NTM: variants seen among roughly 807,000 people sequenced by gnomAD.
NTM encodes IgLON family member 2.
In NTM, 13 loss-of-function variants were observed where a neutral mutation model predicts 42.1. The observed-to-expected ratio is 0.31, with a 90% CI of 0.20 to 0.49. The LOEUF is 0.49. NTM is among the 20% of genes least tolerant of loss of function. The probability of loss-of-function intolerance (pLI) is 0.99; values close to 1 mark genes in which losing one functional copy is unlikely to be tolerated. For synonymous variants in NTM, 187 were observed against 179.2 expected (o/e 1.04, Z -0.35); for missense variants, 373 against 452.8 (o/e 0.82, Z 1.60).
chr11:131,507,378 G>A (rs956728223), intron 1 of NTM, among the ~76,000 whole-genome samples: 12 of 150,594 alleles, frequency 8.0e-5, no homozygotes, highest in South Asian at 2.1e-4. Flanking sequence ...GATATGCGGC[G>A]TTATTTCTGA....
rs200834611 is a variant in NTM at position 131,836,917 on chromosome 11, C to CA, written c.83-74644dup. On this transcript the variant is annotated intron_variant, in intron 1 of 8. Coordinates refer to ENST00000683400, the MANE Select transcript of NTM (RefSeq NM_001352005.2). ...TGATTTTGCTCCTGGTGATGTGTAA[C>CA]AAATCCATTGTGTGATTAGTAATAA... is the stretch of plus-strand genomic sequence containing the variant. 6.7e-3 allele frequency among the ~76,000 whole-genome samples: 1,024 copies of CA among 152,194 alleles called. 16 individuals are homozygous for CA. Among genetic ancestry groups the CA allele is most frequent in the African/African-American group, 0.023 (959 of 41,484 alleles).
At chr11:131,772,075 T>G (rs1173990187) in intron 1 of NTM, among the ~76,000 whole-genome samples, 1 of 152,206 alleles carries the variant, frequency 6.6e-6, no homozygotes, top group Non-Finnish European at 1.5e-5. Flanking sequence ...AGTTATTGAA[T>G]TTCTACTATA....
At chr11:132,215,200 C>T (rs1009089729) in intron 4 of NTM, among the ~76,000 whole-genome samples, 3 of 152,018 alleles carry the variant, frequency 2.0e-5, no homozygotes, top group Non-Finnish European at 4.4e-5. Flanking sequence ...TGTCATTCTT[C>T]GAGGGTAGAT....
At chr11:131,683,957 G>T (rs559082865) in intron 1 of NTM, among the ~76,000 whole-genome samples, 4 of 152,158 alleles carry the variant, frequency 2.6e-5, no homozygotes, top group African/African-American at 7.2e-5. Flanking sequence ...AAGGGCAGGC[G>T]GTGGCAAGAG....
intron 3 of NTM, 173 bp from the exon 4 acceptor site, chr11:132,211,849 C>A: frequency 2.0e-6 from 1 of 495,854 alleles, no homozygotes; most frequent in Non-Finnish European, 3.3e-6. Flanking sequence ...GAAATCAAAG[C>A]TAAATTAAAG....
At chr11:132,304,085 A>G (rs2094977822) in intron 4 of NTM, among the ~76,000 whole-genome samples, 1 of 152,212 alleles carries the variant, frequency 6.6e-6, no homozygotes, top group East Asian at 1.9e-4. Flanking sequence ...GCACTTGTGC[A>G]AAATAAACTT....
chr11:131,793,801 A>G (rs749747802), intron 1 of NTM, among the ~76,000 whole-genome samples: 1 of 152,132 alleles, frequency 6.6e-6, no homozygotes, highest in Non-Finnish European at 1.5e-5. Flanking sequence ...AGGCCTGTGC[A>G]TGGATCTGAG....
At chr11:131,586,700 G>A (rs1283166276) in intron 1 of NTM, among the ~76,000 whole-genome samples, 2 of 152,120 alleles carry the variant, frequency 1.3e-5, no homozygotes, top group Admixed American at 1.3e-4. Flanking sequence ...TGCTTTGTTT[G>A]TTACACAGCA....
chr11:131,697,391 G>A (rs183352162), intron 1 of NTM, among the ~76,000 whole-genome samples: 7 of 152,250 alleles, frequency 4.6e-5, no homozygotes, highest in African/African-American at 7.2e-5. Context: ...TTTACATATT[G>A]GCTGATTATT....
At chr11:131,676,076 G>T (rs1277336422) in intron 1 of NTM, among the ~76,000 whole-genome samples, 8 of 152,294 alleles carry the variant, frequency 5.3e-5, no homozygotes, top group African/African-American at 1.9e-4. Context: ...CATTTAGCCA[G>T]ATTTTGAAAT....
intron 2 of NTM, among the ~76,000 whole-genome samples, chr11:132,040,817 G>T (rs1208680000): frequency 6.6e-6 from 1 of 152,156 alleles, no homozygotes; most frequent in Non-Finnish European, 1.5e-5. Context: ...TTTTATCTGT[G>T]CATGTTCTTT....
In NTM at chr11:132,267,412, A is replaced by C. The variant is rs187139454; in HGVS notation, c.527-40277A>C. Among the ~76,000 whole-genome samples the C allele has an allele frequency of 8.6e-5, 13 of 150,974 alleles. No homozygotes were observed. The East Asian group carries it at 1.6e-3, about 18-fold the overall frequency. On this transcript the variant is annotated intron_variant, in intron 4 of 8. Coordinates refer to ENST00000683400, the MANE Select transcript of NTM (RefSeq NM_001352005.2). ...AAATTTACGTATCTCCCTCCCTCACACTTTCCTTACCCATAGTTGATGGGT... is the reference window on the plus strand; with the variant it reads ...AAATTTACGTATCTCCCTCCCTCACCCTTTCCTTACCCATAGTTGATGGGT...
intron 4 of NTM, among the ~76,000 whole-genome samples, chr11:132,246,220 C>G (rs1591509196): frequency 6.6e-6 from 1 of 152,228 alleles, no homozygotes; most frequent in East Asian, 1.9e-4. Flanking sequence ...GCACCTCCCG[C>G]ACAGGTGGGA....
chr11:131,491,644 T>A (rs1252137286), intron 1 of NTM, among the ~76,000 whole-genome samples: 1 of 152,182 alleles, frequency 6.6e-6, no homozygotes, highest in African/African-American at 2.4e-5. Flanking sequence ...GTTGGTATTA[T>A]CTCCCAGCAT....
intron 1 of NTM, among the ~76,000 whole-genome samples, chr11:131,856,142 C>G (rs1296185880): frequency 7.1e-6 from 1 of 140,798 alleles, no homozygotes; most frequent in East Asian, 2.2e-4. Flanking sequence ...GAGAATCTTA[C>G]AGCCACGGTC....
At chr11:131,993,349 T>C (rs1197300394) in intron 2 of NTM, among the ~76,000 whole-genome samples, 1 of 152,090 alleles carries the variant, frequency 6.6e-6, no homozygotes, top group Non-Finnish European at 1.5e-5. Flanking sequence ...CAGTTGTATC[T>C]GAAGGACAAG....
chr11:131,691,070 G>A (rs767596448), intron 1 of NTM, among the ~76,000 whole-genome samples: 2 of 152,150 alleles, frequency 1.3e-5, no homozygotes, highest in African/African-American at 2.4e-5. Context: ...GTCTCAGACC[G>A]CAGAGGATCC....
At chr11:131,392,787 G>A (rs903027166) in intron 1 of NTM, among the ~76,000 whole-genome samples, 1 of 152,204 alleles carries the variant, frequency 6.6e-6, no homozygotes, top group African/African-American at 2.4e-5. Context: ...AGTCTGGAAG[G>A]TTGCTTTCTC....
intron 1 of NTM, among the ~76,000 whole-genome samples, chr11:131,789,816 T>A (rs568920016): frequency 2.7e-5 from 4 of 149,704 alleles, no homozygotes; most frequent in Admixed American, 2.0e-4. Flanking sequence ...ATTAGCCGGG[T>A]GTGGTGGCGG....
Sources: allele counts gnomAD v4.1 joint callset (sites outside exome capture counted in the v4.1 genomes callset), GRCh38; gene constraint gnomAD v4.1.1; transcripts MANE v1.5; gene names NCBI Gene and HGNC (gene_info 2026-07-23, HGNC 2026-07-21).